Variants in ZDHHC20 observed in about 807,000 individuals in gnomAD.
ZDHHC20 encodes palmitoyltransferase ZDHHC20.
ZDHHC20 carries 43 observed loss-of-function variants against 57.8 expected under a neutral mutation model. That is an observed-to-expected ratio of 0.74 (90% CI 0.58 to 0.96). The LOEUF (loss-of-function observed/expected upper bound fraction) is 0.96, where lower values mean the gene tolerates loss of function less well. Ranked by LOEUF, ZDHHC20 falls within the 40% of genes least tolerant of loss-of-function variation. The probability of loss-of-function intolerance (pLI) is 0.00; values close to 1 mark genes in which losing one functional copy is unlikely to be tolerated. For missense variants in ZDHHC20, 391 were observed against 441.1 expected (o/e 0.89, Z 1.02); for synonymous variants, 157 against 153.0 (o/e 1.03, Z -0.19).
chr13:21,407,935 G>A (rs1878681822), intron 4 of ZDHHC20, among the ~76,000 whole-genome samples: 1 of 152,140 alleles, frequency 6.6e-6, no homozygotes, highest in South Asian at 2.1e-4. Flanking sequence ...TTGTAGATGT[G>A]TGGTGTTATT....
intron 10 of ZDHHC20, among the ~76,000 whole-genome samples, chr13:21,382,209 C>T (rs1309148594): frequency 6.6e-6 from 1 of 152,184 alleles, no homozygotes. Context: ...GGCCAGAACC[C>T]TAACAAATGT....
At chr13:21,440,078 A>G (rs1346575975) in intron 1 of ZDHHC20, among the ~76,000 whole-genome samples, 4 of 26,944 alleles carry the variant, frequency 1.5e-4, no homozygotes, top group Non-Finnish European at 4.1e-4. Context: ...GAAAAAAAAA[A>G]AAAAAAAAAA....
intron 7 of ZDHHC20, among the ~76,000 whole-genome samples, chr13:21,395,871 C>G (rs1876704214): frequency 6.6e-6 from 1 of 152,118 alleles, no homozygotes; most frequent in Non-Finnish European, 1.5e-5. Context: ...GAAACTGCCC[C>G]TCCCCAGGCT....
At chr13:21,449,112 C>G (rs1884179490) in intron 1 of ZDHHC20, among the ~76,000 whole-genome samples, 1 of 140,956 alleles carries the variant, frequency 7.1e-6, no homozygotes, top group African/African-American at 2.6e-5. Context: ...CCTAGGAAAA[C>G]CAGAGACCTT....
intron 9 of ZDHHC20, among the ~76,000 whole-genome samples, chr13:21,384,122 TG>T (rs1187317057): frequency 6.6e-6 from 1 of 151,060 alleles, no homozygotes; most frequent in African/African-American, 2.4e-5. Flanking sequence ...TTCACTGAAT[TG>T]AGATGACAGA....
intron 1 of ZDHHC20, among the ~76,000 whole-genome samples, chr13:21,451,063 T>C (rs1164315237): frequency 6.6e-6 from 1 of 152,254 alleles, no homozygotes; most frequent in Non-Finnish European, 1.5e-5. Flanking sequence ...CAAAAGTTTT[T>C]TGTTTTTAAT....
intron 8 of ZDHHC20, 113 bp from the exon 9 acceptor site, chr13:21,387,747 T>A (rs367961013): frequency 1.8e-5 from 10 of 564,540 alleles, no homozygotes; most frequent in South Asian, 8.7e-5. Flanking sequence ...GTAAATATAA[T>A]TTAAAATAAA....
intron 1 of ZDHHC20, among the ~76,000 whole-genome samples, chr13:21,456,620 A>C (rs887526969): frequency 3.9e-5 from 6 of 152,166 alleles, no homozygotes; most frequent in African/African-American, 1.4e-4. Flanking sequence ...TTTATGCTCA[A>C]CTATTTTATA....
chr13:21,416,169 C>T (rs1879938724), intron 3 of ZDHHC20, among the ~76,000 whole-genome samples: 1 of 141,298 alleles, frequency 7.1e-6, no homozygotes, highest in East Asian at 2.1e-4. Flanking sequence ...CACACCACTA[C>T]ACTCCAGCCT....
Position 21,456,224 on chromosome 13 carries a change from G to A in ZDHHC20, c.118+2830C>T, listed in dbSNP as rs1232484741. Among the ~76,000 whole-genome samples the A allele has an allele frequency of 3.3e-5, 5 of 152,164 alleles. No individual in the cohort carries two copies. In the East Asian group the frequency reaches 9.7e-4, roughly 29 times the overall value. ...AGTTTGAGACCAGCCTGACCAACAA[G>A]GTGAAACCCCCGTCTCTACTAAAAA... On this transcript the variant is annotated intron_variant, in intron 1 of 12. Coordinates refer to ENST00000400590, the MANE Select transcript of ZDHHC20 (RefSeq NM_001330059.2).
At chr13:21,442,704 G>A (rs369939542) in intron 1 of ZDHHC20, among the ~76,000 whole-genome samples, 1 of 149,458 alleles carries the variant, frequency 6.7e-6, no homozygotes, top group African/African-American at 2.5e-5. Flanking sequence ...ACAGTGAGCC[G>A]AGATCACACC....
intron 1 of ZDHHC20, among the ~76,000 whole-genome samples, chr13:21,430,943 T>G (rs1881842326): frequency 6.6e-6 from 1 of 152,204 alleles, no homozygotes; most frequent in South Asian, 2.1e-4. Context: ...TATTTCATCT[T>G]GTCTCAGAAC....
intron 8 of ZDHHC20, among the ~76,000 whole-genome samples, chr13:21,390,811 C>T (rs1402369517): frequency 1.3e-5 from 2 of 151,264 alleles, no homozygotes; most frequent in African/African-American, 4.9e-5. Flanking sequence ...GAGGTGGGAA[C>T]ACTGCTTAAG....
intron 1 of ZDHHC20, among the ~76,000 whole-genome samples, chr13:21,449,596 A>G (rs1405110405): frequency 6.6e-6 from 1 of 152,184 alleles, no homozygotes; most frequent in East Asian, 1.9e-4. Flanking sequence ...AATGGGCGGT[A>G]AACAGACTAT....
intron 6 of ZDHHC20, among the ~76,000 whole-genome samples, chr13:21,401,393 T>C (rs556403100): frequency 6.6e-6 from 1 of 152,372 alleles, no homozygotes; most frequent in South Asian, 2.1e-4. Context: ...TAATTGTGAA[T>C]GTTTGTATTT....
At chr13:21,429,727 AAT>A (rs1352947033) in intron 1 of ZDHHC20, among the ~76,000 whole-genome samples, 1 of 152,200 alleles carries the variant, frequency 6.6e-6, no homozygotes, top group Non-Finnish European at 1.5e-5. Flanking sequence ...TGATGGTACA[AAT>A]ATTAGAACTT....
intron 11 of ZDHHC20, among the ~76,000 whole-genome samples, chr13:21,380,590 G>A (rs1311382024): frequency 1.9e-4 from 29 of 151,554 alleles, no homozygotes; most frequent in African/African-American, 6.5e-4. Flanking sequence ...TCAGGAGATC[G>A]AGACCATCCT....
intron 11 of ZDHHC20, among the ~76,000 whole-genome samples, 182 bp downstream of exon 11, chr13:21,381,252 C>A (rs950164519): frequency 1.3e-5 from 2 of 152,030 alleles, no homozygotes; most frequent in African/African-American, 4.8e-5. Flanking sequence ...GTGATCCACC[C>A]GCCTCGGCAT....
At position 21,459,229 on chromosome 13, in the gene ZDHHC20, C is replaced by A; in HGVS notation, c.-58G>T. On this transcript the variant is annotated 5_prime_UTR_variant, in exon 1 of 13. Coordinates refer to ENST00000400590, the MANE Select transcript of ZDHHC20 (RefSeq NM_001330059.2). Reference sequence around the variant, plus strand: ...ACCGTTCTGGGGAGCGCGGGAGCCCCGGCGACGGTGACTCGGACGCTCCAG... The same window carrying A: ...ACCGTTCTGGGGAGCGCGGGAGCCCAGGCGACGGTGACTCGGACGCTCCAG... 1 of 1,395,546 alleles carries A rather than the reference C, an allele frequency of 7.2e-7. No homozygotes were observed. Among genetic ancestry groups the A allele is most frequent in the Non-Finnish European group, 9.7e-7 (1 of 1,028,236 alleles). The allele number at this position is 1,395,546 out of a possible 1,614,324, so 86.4% of individuals were successfully genotyped here.
Sources: allele counts gnomAD v4.1 joint callset (sites outside exome capture counted in the v4.1 genomes callset), GRCh38; gene constraint gnomAD v4.1.1; transcripts MANE v1.5; gene names NCBI Gene and HGNC (gene_info 2026-07-23, HGNC 2026-07-21).